Variants in LRRC39 observed in about 807,000 individuals in gnomAD.
The protein encoded by LRRC39 is leucine rich repeat containing 39.
LRRC39 carries 35 observed loss-of-function variants against 39.7 expected under a neutral mutation model. The ratio of observed to expected loss-of-function variants is 0.88; its 90% CI spans 0.67 to 1.17. The LOEUF (loss-of-function observed/expected upper bound fraction) is 1.17, where lower values mean the gene tolerates loss of function less well. Among genes scored for constraint, LRRC39 ranks in the 50% most tolerant of loss-of-function variants. The pLI is 0.00. For synonymous variants in LRRC39, 113 were observed against 134.1 expected (o/e 0.84, Z 1.09); for missense variants, 357 against 385.8 (o/e 0.93, Z 0.62).
At chr1:100,149,566 T>C in intron 9 of LRRC39, 1 of 808,846 alleles carries the variant, frequency 1.2e-6, no homozygotes, top group East Asian at 3.0e-5. Context: ...ATTAGCTATC[T>C]CATATCTTTT....
intron 7 of LRRC39, 144 bp from the exon 8 acceptor site, chr1:100,155,347 C>G (rs1372540569): frequency 4.5e-6 from 3 of 669,622 alleles, no homozygotes; most frequent in Non-Finnish European, 6.8e-6. Context: ...TATTCTCCCC[C>G]TCAGCCTCCT....
intron 1 of LRRC39, among the ~76,000 whole-genome samples, chr1:100,175,753 CT>C (rs1342561990): frequency 1.3e-5 from 2 of 152,136 alleles, no homozygotes; most frequent in Admixed American, 6.6e-5. Context: ...AATGGTAGAA[CT>C]TTCCCTGTGG....
At chr1:100,165,373 C>G (rs532578648) in intron 3 of LRRC39, among the ~76,000 whole-genome samples, 2 of 152,266 alleles carry the variant, frequency 1.3e-5, no homozygotes, top group Admixed American at 1.3e-4. Context: ...TCTGAAATTT[C>G]TGAAATTAAG....
At position 100,156,296 on chromosome 1, in the gene LRRC39, T is replaced by A. The variant is rs747491338; in HGVS notation, c.535A>T (p.Thr179Ser). The change falls in exon 7 of 10, where the codon ACT (threonine) becomes TCT (serine). Residue 179 changes from threonine to serine, a missense_variant. Transcript: ENST00000370137. ...PQELSNLLKLTHLDLSMNDFT... is the reference protein window; with the variant it reads ...PQELSNLLKLSHLDLSMNDFT... ...TCGTTCATACTCAGATCAAGGTGAGTAAGTTTTAGCAGATTGCTGAGCTGA... is the reference window on the plus strand; with the variant it reads ...TCGTTCATACTCAGATCAAGGTGAGAAAGTTTTAGCAGATTGCTGAGCTGA... The A allele has an allele frequency of 6.2e-6, 10 of 1,610,778 alleles. No individual in the cohort carries two copies. Among genetic ancestry groups the A allele is most frequent in the Non-Finnish European group, 7.6e-6 (9 of 1,177,924 alleles).
At chr1:100,175,507 T>C (rs1254983053) in intron 1 of LRRC39, among the ~76,000 whole-genome samples, 1 of 152,040 alleles carries the variant, frequency 6.6e-6, no homozygotes, top group Non-Finnish European at 1.5e-5. Context: ...TTTATAGCAA[T>C]GCAAGAACAG....
In LRRC39 at chr1:100,148,458, A is replaced by C. The variant is rs113139260; in HGVS notation, c.*584T>G. ...AATTTTAGAATAAGCTAAAATATACACATCTTTTATTGTGGTCATAAATAT... is the reference window on the plus strand; with the variant it reads ...AATTTTAGAATAAGCTAAAATATACCCATCTTTTATTGTGGTCATAAATAT... On this transcript the variant is annotated 3_prime_UTR_variant, in exon 10 of 10. Coordinates refer to ENST00000370137, the MANE Select transcript of LRRC39 (RefSeq NM_144620.4). The C allele has an allele frequency of 2.8e-5, 31 of 1,117,540 alleles. No individual in the cohort carries two copies. The highest frequency in any genetic ancestry group is 2.5e-4 in the Middle Eastern group (1 of 4,008). 69.2% of individuals were successfully genotyped at this position (1,117,540 alleles called of 1,614,324 possible).
chr1:100,164,772 A>C (rs1659127044), intron 3 of LRRC39, among the ~76,000 whole-genome samples: 1 of 151,640 alleles, frequency 6.6e-6, no homozygotes, highest in Non-Finnish European at 1.5e-5. Context: ...GTGTGATTGT[A>C]ACTTACTGCA....
chr1:100,156,048 G>T (rs1180447702), intron 7 of LRRC39, 124 bp downstream of exon 7: 4 of 821,832 alleles, frequency 4.9e-6, no homozygotes, highest in Admixed American at 3.1e-5. Flanking sequence ...TTAAAACAGT[G>T]TATTTCAAAC....
chr1:100,149,124 A>G (rs1339166599), intron 9 of LRRC39, 27 bp from the exon 10 acceptor site: 4 of 1,580,954 alleles, frequency 2.5e-6, no homozygotes, highest in African/African-American at 1.4e-5. Context: ...ATGTCAACAC[A>G]TAATTAGCGT....
chr1:100,167,543 G>A (rs1659331507), intron 3 of LRRC39, among the ~76,000 whole-genome samples: 1 of 152,140 alleles, frequency 6.6e-6, no homozygotes, highest in Non-Finnish European at 1.5e-5. Flanking sequence ...AGGAGGCCAA[G>A]GTGGGTGGAT....
At chr1:100,173,144 G>T (rs1659742545) in intron 2 of LRRC39, among the ~76,000 whole-genome samples, 187 bp downstream of exon 2, 1 of 151,898 alleles carries the variant, frequency 6.6e-6, no homozygotes, top group African/African-American at 2.4e-5. Context: ...GGAGGCTGAA[G>T]CAGGAGAATC....
chr1:100,166,007 TGG>T (rs956409753), intron 3 of LRRC39, among the ~76,000 whole-genome samples: 15 of 151,986 alleles, frequency 9.9e-5, no homozygotes, highest in Admixed American at 1.3e-4. Flanking sequence ...CCCATGTAGC[TGG>T]GATTACAGGC....
At position 100,148,545 on chromosome 1, in the gene LRRC39, CAAT is replaced by C. The variant is rs1353088251; in HGVS notation, c.*494_*496del. The C allele has an allele frequency of 2.2e-6, 3 of 1,333,958 alleles. No individual in the cohort carries two copies. The highest frequency in any genetic ancestry group is 1.5e-5 in the African/African-American group (1 of 66,710). 82.6% of individuals were successfully genotyped at this position (1,333,958 alleles called of 1,614,324 possible). ...CATTATGGGTTAGTTAACAGTCTCT[CAAT>C]AAATAGTGACAAAAATAATTTTTTA... On this transcript the variant is annotated 3_prime_UTR_variant, in exon 10 of 10. Transcript: ENST00000370137.
chr1:100,148,643 A>G lies in LRRC39; in HGVS notation c.*399T>C. 6.2e-7 allele frequency: 1 copy of G among 1,608,362 alleles called. No homozygotes were observed. The highest frequency in any genetic ancestry group is 8.5e-7 in the Non-Finnish European group (1 of 1,178,688). On this transcript the variant is annotated 3_prime_UTR_variant, in exon 10 of 10. Coordinates refer to ENST00000370137, the MANE Select transcript of LRRC39 (RefSeq NM_144620.4). The stretch of plus-strand genomic sequence containing the variant: ...AATTTAGGCTTCTTAGTGTTGAAGA[A>G]AAGAAGAAAATAGGGCATCTTTGTA...
intron 8 of LRRC39, among the ~76,000 whole-genome samples, chr1:100,153,154 G>A (rs1038687399): frequency 6.6e-6 from 1 of 152,140 alleles, no homozygotes; most frequent in Non-Finnish European, 1.5e-5. Flanking sequence ...TTATCATTGT[G>A]TCTTCACCAC....
chr1:100,155,011 G>C (rs1474057915), intron 8 of LRRC39, 40 bp downstream of exon 8: 1 of 1,516,226 alleles, frequency 6.6e-7, no homozygotes, highest in South Asian at 1.3e-5. Flanking sequence ...TAGCCAGAAA[G>C]AAAGCAAGGT....
In LRRC39 at chr1:100,158,234, T is replaced by C; in HGVS notation, c.510A>G (p.Gln170=). Residue 170 remains glutamine (Q), a synonymous_variant, in exon 6 of 10, where the codon CAA becomes CAG. Transcript: ENST00000370137. ...AVNRDICDLP[Q]ELSNLLKLTH... The stretch of plus-strand genomic sequence containing the variant: ...TAGGCATTTATGTCTTTCTAACCTC[T>C]TGTGGAAGATCACATATATCTCTGT... 1.2e-6 allele frequency: 2 copies of C among 1,613,724 alleles called. No homozygotes were observed. Among genetic ancestry groups the C allele is most frequent in the Non-Finnish European group, 8.5e-7 (1 of 1,179,862 alleles).
rs765630467 is a variant in LRRC39 at position 100,160,581 on chromosome 1, C to T, written c.114-10G>A. 1.3e-6 allele frequency: 2 copies of T among 1,592,528 alleles called. No individual in the cohort carries two copies. Among genetic ancestry groups the T allele is most frequent in the Non-Finnish European group, 1.7e-6 (2 of 1,169,584 alleles). On this transcript the variant is annotated splice_polypyrimidine_tract_variant and intron_variant, in intron 3 of 9. Coordinates refer to ENST00000370137, the MANE Select transcript of LRRC39 (RefSeq NM_144620.4). ...CCAGATCCGCACTAGCCTAGGAAAC[C>T]AGGAAATCATTTTAGTTCATAGACA... is the stretch of plus-strand genomic sequence containing the variant.
intron 2 of LRRC39, among the ~76,000 whole-genome samples, chr1:100,169,191 G>C (rs1413217342): frequency 3.3e-5 from 5 of 152,006 alleles, no homozygotes; most frequent in Admixed American, 3.3e-4. Flanking sequence ...TAATCGTACT[G>C]ATTTTTGATC....
Sources: allele counts gnomAD v4.1 joint callset (sites outside exome capture counted in the v4.1 genomes callset), GRCh38; gene constraint gnomAD v4.1.1; transcripts MANE v1.5; gene names NCBI Gene and HGNC (gene_info 2026-07-23, HGNC 2026-07-21).